The following CABLES1 variants were observed in gnomAD, a reference collection of about 807,000 sequenced individuals.
CABLES1 encodes Cdk5 and Abl enzyme substrate 1, also known as CDK5 and ABL1 enzyme substrate 1.
CABLES1 carries 36 observed loss-of-function variants against 57.8 expected under a neutral mutation model. The ratio of observed to expected loss-of-function variants is 0.62; its 90% CI spans 0.48 to 0.82. The LOEUF (loss-of-function observed/expected upper bound fraction) is 0.82, where lower values mean the gene tolerates loss of function less well. Ranked by LOEUF, CABLES1 falls within the 40% of genes least tolerant of loss-of-function variation. The probability of loss-of-function intolerance (pLI) is 0.00; values close to 1 mark genes in which losing one functional copy is unlikely to be tolerated. For synonymous variants in CABLES1, 374 were observed against 363.0 expected, an observed-to-expected ratio of 1.03 and a Z score of -0.35; for missense variants, 767 against 836.6, an observed-to-expected ratio of 0.92 and a Z score of 1.03.
Position 23,216,489 on chromosome 18 carries a change from A to G in CABLES1, c.1088+2435A>G, listed in dbSNP as rs535369947. Among the ~76,000 whole-genome samples the G allele has an allele frequency of 2.0e-5, 3 of 152,296 alleles. No homozygotes were observed. In the East Asian group the frequency reaches 5.8e-4, roughly 29 times the overall value. On this transcript the variant is annotated intron_variant, in intron 4 of 9. Coordinates refer to ENST00000256925, the MANE Select transcript of CABLES1 (RefSeq NM_001100619.3). ...GTGGATCCAAGGTTTCCAGCATGGCACGTGGCATGCAGAGAAGTGCTAGGG... is the reference window on the plus strand; with the variant it reads ...GTGGATCCAAGGTTTCCAGCATGGCGCGTGGCATGCAGAGAAGTGCTAGGG...
intron 2 of CABLES1, among the ~76,000 whole-genome samples, chr18:23,192,716 C>T (rs181983414): frequency 1.1e-4 from 16 of 152,324 alleles, no homozygotes; most frequent in Non-Finnish European, 2.2e-4. Flanking sequence ...CTCCTCTTTC[C>T]AGTGACTCCA....
intron 1 of CABLES1, among the ~76,000 whole-genome samples, chr18:23,187,287 G>C (rs9951244): frequency 0.014 from 2,093 of 152,328 alleles, 49 homozygotes; most frequent in African/African-American, 0.049. Flanking sequence ...CATGAACACA[G>C]AGGGCGATGT....
At chr18:23,251,709 G>A (rs998137035) in intron 7 of CABLES1, among the ~76,000 whole-genome samples, 1 of 152,158 alleles carries the variant, frequency 6.6e-6, no homozygotes, top group African/African-American at 2.4e-5. Flanking sequence ...AGACTTACTG[G>A]TTACCATTAT....
rs117218063 is a variant in CABLES1, at chr18:23,175,554, C to G, written c.846-13284C>G. 1.4e-4 allele frequency among the ~76,000 whole-genome samples: 22 copies of G among 152,332 alleles called. 1 individual carries two copies. The East Asian group carries it at 4.2e-3, about 29-fold the overall frequency. The stretch of plus-strand genomic sequence containing the variant: ...AGTGCAGTGGTGCAAATACAGCTCA[C>G]TGCAGCCTCTACCTCCTGGGATCAA... On this transcript the variant is annotated intron_variant, in intron 1 of 9. Transcript: ENST00000256925.
intron 3 of CABLES1, among the ~76,000 whole-genome samples, chr18:23,210,251 A>G (rs2047395362): frequency 6.6e-6 from 1 of 152,216 alleles, no homozygotes; most frequent in Non-Finnish European, 1.5e-5. Flanking sequence ...TTCTGAAGTC[A>G]TAATCTTTCA....
chr18:23,181,496 CAAAAAAAAAAAAAAAAAAAA>C (rs59742943), intron 1 of CABLES1, among the ~76,000 whole-genome samples: 2 of 35,398 alleles, frequency 5.7e-5, no homozygotes, highest in Non-Finnish European at 1.0e-4. Flanking sequence ...AGCTTCGTCT[CAAAAAAAAAAAAAAAAAAAA>C]AAAAAAAAAA....
In CABLES1 at chr18:23,236,042, C is replaced by T. The variant is rs138916126; in HGVS notation, c.1333C>T (p.Leu445Phe). 1.9e-6 allele frequency: 3 copies of T among 1,614,114 alleles called. No homozygotes were observed. Among genetic ancestry groups the T allele is most frequent in the African/African-American group, 2.7e-5 (2 of 75,048 alleles). The part of the protein sequence containing the change: ...IGRASGTQGS[L>F]DTGSDLGDFM... ...CCGGGCAAGCGGCACCCAGGGGAGC[C>T]TCGACACAGGTAACCTTGGCCTGGC... The change falls in exon 6 of 10, where the codon CTC becomes TTC. Residue 445 changes from leucine (L) to phenylalanine (F), a missense_variant. Transcript: ENST00000256925.
chr18:23,241,760 C>T (rs1420805861), intron 7 of CABLES1, among the ~76,000 whole-genome samples: 3 of 152,094 alleles, frequency 2.0e-5, no homozygotes, highest in East Asian at 1.9e-4. Flanking sequence ...TATCTTTGTG[C>T]GTGTGTGTCC....
chr18:23,151,536 C>T (rs1437010013), intron 1 of CABLES1, among the ~76,000 whole-genome samples: 12 of 152,152 alleles, frequency 7.9e-5, no homozygotes, highest in Non-Finnish European at 2.9e-5. Flanking sequence ...ATGTTCCCTG[C>T]CATTGGTGGA....
intron 7 of CABLES1, among the ~76,000 whole-genome samples, chr18:23,247,294 G>A (rs925568171): frequency 6.6e-6 from 1 of 152,262 alleles, no homozygotes; most frequent in African/African-American, 2.4e-5. Flanking sequence ...AGGACCTGCA[G>A]CTGAGAGGAC....
intron 1 of CABLES1, among the ~76,000 whole-genome samples, chr18:23,173,285 G>A (rs1205898506): frequency 6.6e-6 from 1 of 152,190 alleles, no homozygotes; most frequent in Non-Finnish European, 1.5e-5. Flanking sequence ...TGCCTGCTGC[G>A]CACAGACACC....
chr18:23,144,208 C>T (rs1030924670), intron 1 of CABLES1, among the ~76,000 whole-genome samples: 1 of 152,224 alleles, frequency 6.6e-6, no homozygotes, highest in African/African-American at 2.4e-5. Context: ...ACTGGAGGGC[C>T]CCTCCTCCGT....
chr18:23,250,396 A>G (rs573889364), intron 7 of CABLES1, among the ~76,000 whole-genome samples: 17 of 152,246 alleles, frequency 1.1e-4, no homozygotes, highest in African/African-American at 3.9e-4. Flanking sequence ...GGGAAACAGG[A>G]GGGTTGGCTG....
chr18:23,198,187 G>C (rs1421859051), intron 3 of CABLES1: 1 of 149,678 alleles, frequency 6.7e-6, no homozygotes. Flanking sequence ...TTGAGTCTGG[G>C]GGATGGAGGT....
rs11877462 is a variant in CABLES1, at chr18:23,154,743, G to A, written c.845+18136G>A. 3.2e-3 allele frequency among the ~76,000 whole-genome samples: 488 copies of A among 152,234 alleles called. 4 individuals are homozygous for A. Among genetic ancestry groups the A allele is most frequent in the African/African-American group, 0.011 (450 of 41,544 alleles). ...ATGTAGAGCAGGGATCCCTTCTAAC[G>A]GAAGCCCATCCTCTCCCACTCTGCT... On this transcript the variant is annotated intron_variant, in intron 1 of 9. Transcript: ENST00000256925.
Position 23,257,482 on chromosome 18 carries a change from CGACATAGT to C in CABLES1, c.*116_*123del. On this transcript the variant is annotated 3_prime_UTR_variant, in exon 10 of 10. Coordinates refer to ENST00000256925, the MANE Select transcript of CABLES1 (RefSeq NM_001100619.3). ...CAGAATACCAGACTTTTCTTCCTCT[CGACATAGT>C]TTGGGGAGAAGCAGTACTAGAAACT... 1.7e-6 allele frequency: 2 copies of C among 1,209,764 alleles called. No individual in the cohort carries two copies. Among genetic ancestry groups the C allele is most frequent in the Non-Finnish European group, 2.2e-6 (2 of 891,044 alleles). 74.9% of individuals were successfully genotyped at this position (1,209,764 alleles called of 1,614,324 possible). A position where few individuals can be genotyped will look rare whatever the true frequency, so the allele number is the denominator to read the frequency against.
chr18:23,259,688 G>A lies in CABLES1; in HGVS notation c.*2321G>A, dbSNP rs2048248646. On this transcript the variant is annotated 3_prime_UTR_variant, in exon 10 of 10. Coordinates refer to ENST00000256925, the MANE Select transcript of CABLES1 (RefSeq NM_001100619.3). ...GAAGTGGAGGAGGGTGAGAGATGCA[G>A]GTCACTGCCAGAGGCACCTCTGTGA... 6.6e-6 allele frequency: 1 copy of A among 152,278 alleles called. No individual in the cohort carries two copies. Among genetic ancestry groups the A allele is most frequent in the East Asian group, 1.9e-4 (1 of 5,192 alleles). The allele number at this position is 152,278 out of a possible 1,614,324, so 9.4% of individuals were successfully genotyped here.
chr18:23,235,910 C>A lies in CABLES1; in HGVS notation c.1201C>A (p.Gln401Lys). 6.2e-7 allele frequency: 1 copy of A among 1,614,180 alleles called. No homozygotes were observed. Among genetic ancestry groups the A allele is most frequent in the Non-Finnish European group, 8.5e-7 (1 of 1,180,016 alleles). Residue 401 changes from glutamine (Q) to lysine (K), a missense_variant, in exon 6 of 10, where the codon CAA becomes AAA. Gln to Lys is a moderately conservative substitution (Grantham distance 53, BLOSUM62 1). This residue lies in a region of CABLES1 where 529 missense variants were observed against 622.8 expected (regional missense o/e 0.85). Coordinates refer to ENST00000256925, the MANE Select transcript of CABLES1 (RefSeq NM_001100619.3). ...GADGKTVSYT[Q>K]FLLPTNAFGA... ...CACCTTTTAGACTGTTTCCTATACC[C>A]AATTTCTGTTACCCACAAATGCCTT... is the stretch of plus-strand genomic sequence containing the variant.
chr18:23,224,155 A>G (rs1018650291), intron 4 of CABLES1, among the ~76,000 whole-genome samples: 57 of 147,598 alleles, frequency 3.9e-4, no homozygotes, highest in Non-Finnish European at 7.0e-4. Flanking sequence ...CCATTCTTCC[A>G]GTATCAGTTT....
Sources: allele counts gnomAD v4.1 joint callset (sites outside exome capture counted in the v4.1 genomes callset), GRCh38; gene constraint gnomAD v4.1.1; regional missense constraint gnomAD v4.1.1; transcripts MANE v1.5; gene names NCBI Gene and HGNC (gene_info 2026-07-23, HGNC 2026-07-21).